PRKN: variants seen among roughly 807,000 people sequenced by gnomAD.
The protein encoded by PRKN is E3 ubiquitin-protein ligase parkin.
PRKN carries 56 observed loss-of-function variants against 59.5 expected under a neutral mutation model. That is an observed-to-expected ratio of 0.94 (90% confidence interval 0.76 to 1.18). The LOEUF is 1.18. Ranked by LOEUF, PRKN falls within the 50% of genes most tolerant of loss-of-function variation. The probability of loss-of-function intolerance (pLI) is 0.00; values close to 1 mark genes in which losing one functional copy is unlikely to be tolerated. For synonymous variants in PRKN, 250 were observed against 222.1 expected (o/e 1.13, Z -1.12); for missense variants, 657 against 596.4 (o/e 1.10, Z -1.06).
chr6:162,668,468 T>TA (rs994427702), intron 1 of PRKN, among the ~76,000 whole-genome samples: 42 of 152,118 alleles, frequency 2.8e-4, no homozygotes, highest in Admixed American at 1.6e-3. Context: ...GGACCTGGGC[T>TA]ATGGCTAGAA....
chr6:162,121,072 C>G (rs1780890833), intron 4 of PRKN, among the ~76,000 whole-genome samples: 1 of 152,132 alleles, frequency 6.6e-6, no homozygotes. Context: ...CAAGGATCAC[C>G]AAAAGCCATT....
At chr6:161,607,882 G>A (rs1342201245) in intron 7 of PRKN, among the ~76,000 whole-genome samples, 5 of 152,202 alleles carry the variant, frequency 3.3e-5, no homozygotes, top group Non-Finnish European at 7.3e-5. Context: ...AATGGATGAT[G>A]GGCTGGGGGA....
chr6:162,385,956 T>A (rs1032301605), intron 2 of PRKN, among the ~76,000 whole-genome samples: 3 of 152,186 alleles, frequency 2.0e-5, no homozygotes, highest in African/African-American at 7.2e-5. Context: ...CCTCTTGTCC[T>A]ATTGAGAATG....
At chr6:161,914,181 A>G (rs1422604368) in intron 6 of PRKN, among the ~76,000 whole-genome samples, 1 of 152,210 alleles carries the variant, frequency 6.6e-6, no homozygotes, top group Non-Finnish European at 1.5e-5. Context: ...AATTTGCAAC[A>G]CAGCTATACA....
chr6:161,729,360 C>T (rs911513481), intron 7 of PRKN, among the ~76,000 whole-genome samples: 2 of 151,948 alleles, frequency 1.3e-5, no homozygotes, highest in African/African-American at 4.8e-5. Flanking sequence ...GGATGGAATT[C>T]TTAAAAATTA....
chr6:161,934,934 C>T (rs1326907832), intron 6 of PRKN, among the ~76,000 whole-genome samples: 7 of 152,100 alleles, frequency 4.6e-5, no homozygotes, highest in African/African-American at 1.7e-4. Flanking sequence ...GTTCTTTCAA[C>T]TTATAAATAG....
chr6:162,274,187 T>G (rs1455850747), intron 2 of PRKN, among the ~76,000 whole-genome samples: 2 of 144,598 alleles, frequency 1.4e-5, no homozygotes, highest in African/African-American at 2.9e-5. Flanking sequence ...ATTAATGTAT[T>G]TATTTATTTA....
Position 161,453,392 on chromosome 6 carries a change from T to A in PRKN, c.1084-66515A>T, listed in dbSNP as rs117779940. On this transcript the variant is annotated intron_variant, in intron 9 of 11. Transcript: ENST00000366898. ...GTAGATAAACAACGTGTGTTTTCTA[T>A]CACCTTGGCTTGTCTCTAGTACCTG... Among the ~76,000 whole-genome samples, 112 of 152,328 alleles carry A rather than the reference T, an allele frequency of 7.4e-4. 1 individual carries two copies. Among genetic ancestry groups the A allele is most frequent in the Middle Eastern group, 3.4e-3 (1 of 294 alleles).
At chr6:161,825,298 T>G (rs1259749951) in intron 6 of PRKN, among the ~76,000 whole-genome samples, 1 of 152,140 alleles carries the variant, frequency 6.6e-6, no homozygotes, top group Admixed American at 6.6e-5. Flanking sequence ...AAATTTATAA[T>G]CTGTTGTAAT....
chr6:162,711,784 T>TG (rs1040956920), intron 1 of PRKN, among the ~76,000 whole-genome samples: 51 of 152,272 alleles, frequency 3.3e-4, no homozygotes, highest in African/African-American at 1.2e-3. Flanking sequence ...CCATTAGGCA[T>TG]GAGGGTTGCT....
In PRKN at chr6:161,429,409, A is replaced by G. The variant is rs527402160; in HGVS notation, c.1084-42532T>C. 7.2e-5 allele frequency among the ~76,000 whole-genome samples: 11 copies of G among 152,298 alleles called. No homozygotes were observed. The South Asian group carries it at 1.9e-3, about 26-fold the overall frequency. On this transcript the variant is annotated intron_variant, in intron 9 of 11. Transcript: ENST00000366898. The surrounding 1 kb of genome is among the most constrained non-coding windows in gnomAD (Gnocchi z 4.2). ...AAGTGCTATTGCTCTATGTGTGGGA[A>G]AACAGGCAACCTGGGGAGCCATGGT...
intron 7 of PRKN, among the ~76,000 whole-genome samples, chr6:161,684,663 T>C (rs1785490094): frequency 6.6e-6 from 1 of 152,122 alleles, no homozygotes; most frequent in African/African-American, 2.4e-5. Flanking sequence ...TAAAGACACA[T>C]GTAAATATCT....
rs564487471 is a variant in PRKN, at chr6:161,359,701, C to T, written c.1285+387G>A. ...AAAGCTGGGGAAGGCTACAGACTGA[C>T]GGCCGGCAGACAACAGGGTCATACG... On this transcript the variant is annotated intron_variant, in intron 11 of 11. Transcript: ENST00000366898. This position sits in a 1 kb window ranked among gnomAD's most constrained non-coding sequence, Gnocchi z 5.4. 3.3e-5 allele frequency among the ~76,000 whole-genome samples: 5 copies of T among 152,248 alleles called. No individual in the cohort carries two copies. The South Asian group carries it at 6.2e-4, about 19-fold the overall frequency.
chr6:161,961,840 C>A (rs1173415145), intron 6 of PRKN, among the ~76,000 whole-genome samples: 1 of 152,148 alleles, frequency 6.6e-6, no homozygotes, highest in Non-Finnish European at 1.5e-5. Context: ...ATCTCAAATG[C>A]CTGCATGAGA....
intron 1 of PRKN, among the ~76,000 whole-genome samples, chr6:162,461,659 A>T (rs1003817998): frequency 6.6e-6 from 1 of 151,700 alleles, no homozygotes; most frequent in African/African-American, 2.4e-5. Flanking sequence ...CATCTCTATT[A>T]AAAATACAAA....
chr6:162,707,959 C>T lies in PRKN; in HGVS notation c.7+19703G>A, dbSNP rs149990241. ...CACACTCCTGGCCTCAAGTGATCTG[C>T]CCACCTTGGCCTCCCAAAGTGCTGG... On this transcript the variant is annotated intron_variant, in intron 1 of 11. Transcript: ENST00000366898. Among the ~76,000 whole-genome samples, 880 of 152,248 alleles carry T rather than the reference C, an allele frequency of 5.8e-3. 7 individuals carry two copies. Among genetic ancestry groups the T allele is most frequent in the Non-Finnish European group, 9.4e-3 (638 of 68,026 alleles).
intron 11 of PRKN, among the ~76,000 whole-genome samples, chr6:161,350,996 T>A (rs58908398): frequency 0.027 from 1,331 of 49,424 alleles, 131 homozygotes; most frequent in African/African-American, 0.14. Context: ...ATATTTATAT[T>A]TAAAATATAT....
At chr6:162,537,271 A>C (rs528639610) in intron 1 of PRKN, among the ~76,000 whole-genome samples, 4 of 152,076 alleles carry the variant, frequency 2.6e-5, no homozygotes, top group African/African-American at 9.7e-5. Flanking sequence ...ATCCAATCCC[A>C]TATTTCCCAA....
intron 3 of PRKN, among the ~76,000 whole-genome samples, chr6:162,252,594 C>T: frequency 6.6e-6 from 1 of 152,216 alleles, no homozygotes; most frequent in East Asian, 1.9e-4. Context: ...CGTGCTCTTA[C>T]AGAAGATGCC....
Sources: allele counts gnomAD v4.1 joint callset (sites outside exome capture counted in the v4.1 genomes callset), GRCh38; gene constraint gnomAD v4.1.1; non-coding constraint Gnocchi (gnomAD v3.1); transcripts MANE v1.5; gene names NCBI Gene and HGNC (gene_info 2026-07-23, HGNC 2026-07-21).